The following COL23A1 variants were observed in gnomAD, a reference collection of about 807,000 sequenced individuals.
The protein encoded by COL23A1 is collagen type XXIII alpha 1 chain, also known as collagen alpha-1(XXIII) chain.
COL23A1 carries 97 observed loss-of-function variants against 99.3 expected under a neutral mutation model. That is an observed-to-expected ratio of 0.98 (90% CI 0.83 to 1.16). COL23A1 has a LOEUF of 1.16. Ranked by LOEUF, COL23A1 falls within the 50% of genes most tolerant of loss-of-function variation. The probability of loss-of-function intolerance (pLI) is 0.00; values close to 1 mark genes in which losing one functional copy is unlikely to be tolerated. For missense variants in COL23A1, 762 were observed against 757.4 expected, an observed-to-expected ratio of 1.01 and a Z score of -0.07; for synonymous variants, 320 against 308.2, an observed-to-expected ratio of 1.04 and a Z score of -0.40.
chr5:178,256,458 G>T, intron 14 of COL23A1, 61 bp from the exon 15 acceptor site: 1 of 1,492,972 alleles, frequency 6.7e-7, no homozygotes, highest in Non-Finnish European at 9.1e-7. Context: ...CACCTCCCAC[G>T]ACCCTGCCCC....
chr5:178,285,188 C>G (rs1440404053), intron 5 of COL23A1, among the ~76,000 whole-genome samples: 1 of 152,188 alleles, frequency 6.6e-6, no homozygotes, highest in Non-Finnish European at 1.5e-5. Flanking sequence ...CCTCCAGCCA[C>G]TCCTATCAGG....
At chr5:178,244,083 C>T (rs1764547378) in intron 25 of COL23A1, among the ~76,000 whole-genome samples, 2 of 152,182 alleles carry the variant, frequency 1.3e-5, no homozygotes, top group Admixed American at 6.5e-5. Flanking sequence ...GGGCTCATGC[C>T]ATCCTCCCGC....
intron 2 of COL23A1, among the ~76,000 whole-genome samples, chr5:178,346,383 G>A (rs1278908204): frequency 6.6e-6 from 1 of 152,054 alleles, no homozygotes; most frequent in Non-Finnish European, 1.5e-5. Flanking sequence ...TCAGGGGCCT[G>A]CCACCATGTC....
In COL23A1 at chr5:178,272,886, T is replaced by C. The variant is rs1415761449; in HGVS notation, c.442-2523A>G. On this transcript the variant is annotated intron_variant, in intron 5 of 28. Transcript: ENST00000390654. Reference sequence around the variant, plus strand: ...CTGGGTCTCTTCAAGGAGCTCTTCGTGGCCCCCACTCAGTCTCAGTCACAC... The same window carrying C: ...CTGGGTCTCTTCAAGGAGCTCTTCGCGGCCCCCACTCAGTCTCAGTCACAC... Among the ~76,000 whole-genome samples, 53 of 152,114 alleles carry C rather than the reference T, an allele frequency of 3.5e-4. 1 individual carries two copies. The highest frequency in any genetic ancestry group is 3.5e-3 in the Admixed American group (53 of 15,280).
Position 178,276,319 on chromosome 5 carries a change from T to G in COL23A1, c.442-5956A>C, listed in dbSNP as rs182804976. On this transcript the variant is annotated intron_variant, in intron 5 of 28. Coordinates refer to ENST00000390654, the MANE Select transcript of COL23A1 (RefSeq NM_173465.4). ...AAGCAGACAGGAGTAAACGCTCAAA[T>G]CGGCCAGAGCTGGGGGCCTGTCTTG... 7.9e-5 allele frequency among the ~76,000 whole-genome samples: 12 copies of G among 152,246 alleles called. No individual in the cohort carries two copies. The East Asian group carries it at 2.3e-3, about 29-fold the overall frequency.
Position 178,270,372 on chromosome 5 carries a change from CGA to C in COL23A1, c.442-11_442-10del, listed in dbSNP as rs371948521. ...TCCAAACCCAGGGGTCCCTGGAAAA[CGA>C]GAGAGAGAGAACACAGGTTACACAC... On this transcript the variant is annotated splice_polypyrimidine_tract_variant and intron_variant, in intron 5 of 28. Coordinates refer to ENST00000390654, the MANE Select transcript of COL23A1 (RefSeq NM_173465.4). The C allele has an allele frequency of 2.6e-5, 42 of 1,611,772 alleles. No individual in the cohort carries two copies. Among genetic ancestry groups the C allele is most frequent in the East Asian group, 8.9e-5 (4 of 44,832 alleles).
chr5:178,567,827 T>C (rs1010071484), intron 1 of COL23A1, among the ~76,000 whole-genome samples: 2 of 151,860 alleles, frequency 1.3e-5, no homozygotes, highest in Non-Finnish European at 1.5e-5. Flanking sequence ...TCTACAGTGA[T>C]ATAAATGATT....
At chr5:178,248,345 T>A in intron 19 of COL23A1, 91 bp from the exon 20 acceptor site, 1 of 981,158 alleles carries the variant, frequency 1.0e-6, no homozygotes. Context: ...TTCCCCCATG[T>A]GGCTCCTGAG....
intron 2 of COL23A1, among the ~76,000 whole-genome samples, chr5:178,359,262 GC>G (rs1244611157): frequency 1.3e-5 from 2 of 152,194 alleles, no homozygotes; most frequent in Admixed American, 1.3e-4. Flanking sequence ...AGTGGCTCAC[GC>G]CTGTAATCCC....
chr5:178,568,964 T>C (rs1186997701), intron 1 of COL23A1, among the ~76,000 whole-genome samples: 6 of 152,222 alleles, frequency 3.9e-5, no homozygotes. Context: ...CTGGGTCATA[T>C]GGTAATTTCA....
chr5:178,435,898 C>T (rs565844591), intron 2 of COL23A1, among the ~76,000 whole-genome samples: 6 of 152,164 alleles, frequency 3.9e-5, no homozygotes, highest in Non-Finnish European at 8.8e-5. Context: ...AATGTTGATG[C>T]CACATCATTT....
chr5:178,536,295 A>AGGGGATGG (rs1760956480), intron 2 of COL23A1, among the ~76,000 whole-genome samples: 1 of 152,206 alleles, frequency 6.6e-6, no homozygotes, highest in Non-Finnish European at 1.5e-5. Context: ...AGACAACAGC[A>AGGGGATGG]CCCTGACAGA....
intron 2 of COL23A1, among the ~76,000 whole-genome samples, chr5:178,521,853 G>T (rs1581558819): frequency 6.6e-6 from 1 of 152,288 alleles, no homozygotes; most frequent in South Asian, 2.1e-4. Context: ...GGGGTCAGGG[G>T]TATAAAGGGA....
chr5:178,284,173 G>C (rs1243710128), intron 5 of COL23A1, among the ~76,000 whole-genome samples: 2 of 152,206 alleles, frequency 1.3e-5, no homozygotes, highest in African/African-American at 4.8e-5. Flanking sequence ...ATTCTATGAT[G>C]TCTTCCGTCC....
At chr5:178,238,850 C>T in intron 28 of COL23A1, 150 bp from the exon 29 acceptor site, 7 of 1,120,744 alleles carry the variant, frequency 6.2e-6, no homozygotes, top group Non-Finnish European at 9.4e-6. Context: ...GGGACAATAT[C>T]CCAGGGGGCA....
intron 2 of COL23A1, among the ~76,000 whole-genome samples, chr5:178,332,763 C>A (rs770061565): frequency 2.0e-5 from 3 of 151,978 alleles, no homozygotes; most frequent in Non-Finnish European, 2.9e-5. Flanking sequence ...CGACGCTCGA[C>A]TTCCAGGCCA....
At chr5:178,346,576 C>T (rs545262662) in intron 2 of COL23A1, among the ~76,000 whole-genome samples, 3 of 152,128 alleles carry the variant, frequency 2.0e-5, no homozygotes, top group Non-Finnish European at 2.9e-5. Flanking sequence ...TATGTACATA[C>T]GTCTTAATAT....
At chr5:178,398,752 AT>A (rs1764283001) in intron 2 of COL23A1, among the ~76,000 whole-genome samples, 1 of 152,236 alleles carries the variant, frequency 6.6e-6, no homozygotes, top group African/African-American at 2.4e-5. Flanking sequence ...TTCACTATTT[AT>A]TATGAAATTA....
At chr5:178,547,471 A>ACACACACT (rs1562076314) in intron 2 of COL23A1, among the ~76,000 whole-genome samples, 1 of 135,572 alleles carries the variant, frequency 7.4e-6, no homozygotes, top group African/African-American at 2.8e-5. Flanking sequence ...ACACACACCC[A>ACACACACT]CACACCCACA....
Sources: gnomAD v4.1 joint callset for allele counts (sites outside exome capture counted in the v4.1 genomes callset) on GRCh38, gnomAD v4.1.1 for gene constraint, MANE v1.5 for transcripts, NCBI Gene and HGNC (gene_info 2026-07-23, HGNC 2026-07-21) for gene names.